Variants in DLGAP2 observed in about 807,000 individuals in gnomAD.
DLGAP2 encodes the protein disks large-associated protein 2.
A neutral mutation model predicts 100.3 loss-of-function variants in DLGAP2; 26 were observed. That is an observed-to-expected ratio of 0.26 (90% CI 0.19 to 0.36). DLGAP2 has a LOEUF of 0.36. Among genes scored for constraint, DLGAP2 ranks in the 10% least tolerant of loss-of-function variants. The probability of loss-of-function intolerance (pLI) is 1.00; values close to 1 mark genes in which losing one functional copy is unlikely to be tolerated. For synonymous variants in DLGAP2, 886 were observed against 630.1 expected (o/e 1.41, Z -6.08); for missense variants, 1,858 against 1,453.2 (o/e 1.28, Z -4.53).
intron 2 of DLGAP2, among the ~76,000 whole-genome samples, chr8:1,026,977 A>G (rs1028192418): frequency 6.6e-6 from 1 of 152,250 alleles, no homozygotes; most frequent in African/African-American, 2.4e-5. Context: ...TTTACATTGT[A>G]CGCTTAAAAG....
chr8:1,114,935 C>G (rs1805068906), intron 2 of DLGAP2, among the ~76,000 whole-genome samples: 2 of 152,134 alleles, frequency 1.3e-5, no homozygotes, highest in African/African-American at 4.8e-5. Context: ...TGATTTCTGC[C>G]TTAATTTCAT....
intron 2 of DLGAP2, among the ~76,000 whole-genome samples, chr8:1,151,815 A>G (rs1796703291): frequency 2.0e-5 from 3 of 152,186 alleles, no homozygotes; most frequent in Non-Finnish European, 2.9e-5. Flanking sequence ...CAGTCAACTT[A>G]TTTTTACACA....
intron 2 of DLGAP2, among the ~76,000 whole-genome samples, chr8:936,365 G>A (rs1424972204): frequency 6.6e-6 from 1 of 152,176 alleles, no homozygotes; most frequent in Non-Finnish European, 1.5e-5. Flanking sequence ...ACTCGGGAAG[G>A]ATGTTTGCTG....
At chr8:1,462,665 C>T (rs1339256181) in intron 3 of DLGAP2, among the ~76,000 whole-genome samples, 1 of 152,128 alleles carries the variant, frequency 6.6e-6, no homozygotes, top group Non-Finnish European at 1.5e-5. Context: ...AGCTCAGCCT[C>T]CAGGACTCAG....
At chr8:1,189,638 A>G (rs77968037) in intron 2 of DLGAP2, among the ~76,000 whole-genome samples, 16,803 of 152,202 alleles carry the variant, frequency 0.11, 2,722 homozygotes, top group African/African-American at 0.36. Context: ...GACGTGTGAC[A>G]TCCCCATGCC....
At chr8:1,308,724 C>A (rs1055411690) in intron 3 of DLGAP2, among the ~76,000 whole-genome samples, 2 of 152,124 alleles carry the variant, frequency 1.3e-5, no homozygotes, top group African/African-American at 4.8e-5. Context: ...TAGGTTTCCC[C>A]ATGTTGGTCA....
rs149829452 is a variant in DLGAP2, at chr8:1,368,170, ATG to A, written c.106+109297_106+109298del. Among the ~76,000 whole-genome samples the A allele has an allele frequency of 7.2e-3, 1,096 of 152,166 alleles. 25 individuals are homozygous for A. The highest frequency in any genetic ancestry group is 0.038 in the Admixed American group (582 of 15,280). Reference sequence around the variant, plus strand: ...GTATTTGTAGTGCACATACGTGTGCATGTGTGTGTGTATGTGCACGTGTGTGT... The same window carrying A: ...GTATTTGTAGTGCACATACGTGTGCATGTGTGTGTATGTGCACGTGTGTGT... On this transcript the variant is annotated intron_variant, in intron 3 of 14. Coordinates refer to ENST00000637795, the MANE Select transcript of DLGAP2 (RefSeq NM_001346810.2).
At chr8:883,791 A>G (rs1048564076) in intron 1 of DLGAP2, among the ~76,000 whole-genome samples, 2 of 150,530 alleles carry the variant, frequency 1.3e-5, no homozygotes, top group African/African-American at 4.9e-5. Context: ...TCCTCCCCCC[A>G]CTCCCTAACT....
chr8:943,348 C>A (rs1369333035), intron 2 of DLGAP2, among the ~76,000 whole-genome samples: 1 of 152,164 alleles, frequency 6.6e-6, no homozygotes, highest in South Asian at 2.1e-4. Flanking sequence ...ATGTGAAGTC[C>A]TTGAAATCCA....
intron 3 of DLGAP2, among the ~76,000 whole-genome samples, chr8:1,319,892 G>T (rs1316945432): frequency 6.6e-6 from 1 of 152,216 alleles, no homozygotes; most frequent in Non-Finnish European, 1.5e-5. Flanking sequence ...AAAGGCAGAG[G>T]GAAGAGACGG....
chr8:881,822 C>G (rs896090269), intron 1 of DLGAP2, among the ~76,000 whole-genome samples: 2 of 151,894 alleles, frequency 1.3e-5, no homozygotes, highest in African/African-American at 4.8e-5. Flanking sequence ...CAGTCCATCT[C>G]TCTTTTTATT....
chr8:1,019,041 T>A lies in DLGAP2; in HGVS notation c.73+111075T>A, dbSNP rs559419596. 4 of 152,234 alleles carry A rather than the reference T, an allele frequency of 2.6e-5. No individual in the cohort carries two copies. In the East Asian group the frequency reaches 7.8e-4, roughly 30 times the overall value. The allele number at this position is 152,234 out of a possible 1,614,324, so 9.4% of individuals were successfully genotyped here. A position where few individuals can be genotyped will look rare whatever the true frequency, so the allele number is the denominator to read the frequency against. On this transcript the variant is annotated intron_variant, in intron 2 of 14. Transcript: ENST00000637795. ...CCATAGGAGGCAGCGACTGAGAAGG[T>A]CAGTCCCATTAAAAATGCCCTTTGG...
Position 1,255,979 on chromosome 8 carries a change from G to A in DLGAP2, c.74-2872G>A, listed in dbSNP as rs1334508813. 7.9e-4 allele frequency among the ~76,000 whole-genome samples: 103 copies of A among 129,810 alleles called. 2 individuals carry two copies. The highest frequency in any genetic ancestry group is 7.7e-3 in the Admixed American group (103 of 13,330). 85.2% of individuals were successfully genotyped at this position (129,810 alleles called of 152,430 possible). On this transcript the variant is annotated intron_variant, in intron 2 of 14. Coordinates refer to ENST00000637795, the MANE Select transcript of DLGAP2 (RefSeq NM_001346810.2). ...GTGTGTGCCCTCTCATCCTGCGTGG[G>A]TGCTGTGTGTGTCCTCTCCTGCCTG...
At chr8:927,703 A>G (rs1798848903) in intron 2 of DLGAP2, among the ~76,000 whole-genome samples, 1 of 152,180 alleles carries the variant, frequency 6.6e-6, no homozygotes, top group Admixed American at 6.5e-5. Flanking sequence ...AGGGAGGGAC[A>G]GAGGTCTTGG....
intron 2 of DLGAP2, among the ~76,000 whole-genome samples, chr8:1,123,011 C>G (rs2129047886): frequency 6.6e-6 from 1 of 152,298 alleles, no homozygotes; most frequent in African/African-American, 2.4e-5. Context: ...CAGCATAATT[C>G]TATGCCTTCA....
At chr8:1,511,560 G>C (rs1800163238) in intron 4 of DLGAP2, among the ~76,000 whole-genome samples, 1 of 151,600 alleles carries the variant, frequency 6.6e-6, no homozygotes, top group South Asian at 2.1e-4. Flanking sequence ...ATGGACGTAA[G>C]TGCTGTCTAG....
At chr8:1,152,873 C>G (rs1796719630) in intron 2 of DLGAP2, among the ~76,000 whole-genome samples, 1 of 152,120 alleles carries the variant, frequency 6.6e-6, no homozygotes, top group Non-Finnish European at 1.5e-5. Context: ...TTATCTTGCA[C>G]ACCATTTGCT....
chr8:959,013 C>T (rs778092368), intron 2 of DLGAP2, among the ~76,000 whole-genome samples: 1 of 152,120 alleles, frequency 6.6e-6, no homozygotes, highest in Non-Finnish European at 1.5e-5. Context: ...TCCACGGATA[C>T]AATCCAAATT....
At chr8:1,204,226 T>G (rs1050534744) in intron 2 of DLGAP2, among the ~76,000 whole-genome samples, 1 of 152,212 alleles carries the variant, frequency 6.6e-6, no homozygotes, top group African/African-American at 2.4e-5. Flanking sequence ...GCTCCTACTG[T>G]GTGCCCTGCG....
Sources: gnomAD v4.1 joint callset for allele counts (sites outside exome capture counted in the v4.1 genomes callset) on GRCh38, gnomAD v4.1.1 for gene constraint, MANE v1.5 for transcripts, NCBI Gene and HGNC (gene_info 2026-07-23, HGNC 2026-07-21) for gene names.